GABRA3: variants seen among roughly 807,000 people sequenced by gnomAD.
GABRA3 encodes the protein gamma-aminobutyric acid type A receptor subunit alpha3.
GABRA3 carries 10 observed loss-of-function variants against 30.1 expected under a neutral mutation model. The observed-to-expected ratio is 0.33, with a 90% confidence interval of 0.20 to 0.56. The LOEUF (loss-of-function observed/expected upper bound fraction) is 0.56, where lower values mean the gene tolerates loss of function less well. Ranked by LOEUF, GABRA3 falls within the 20% of genes least tolerant of loss-of-function variation. The probability of loss-of-function intolerance (pLI) is 0.89; values close to 1 mark genes in which losing one functional copy is unlikely to be tolerated. For synonymous variants in GABRA3, 151 were observed against 146.8 expected, an observed-to-expected ratio of 1.03 and a Z score of -0.21; for missense variants, 233 against 392.0, an observed-to-expected ratio of 0.59 and a Z score of 3.42.
chrX:152,222,065 G>A (rs1937851708), intron 6 of GABRA3, among the ~76,000 whole-genome samples: 2 of 111,255 alleles, frequency 1.8e-5, no homozygotes, highest in Non-Finnish European at 3.8e-5. Flanking sequence ...CTTTTTTGGT[G>A]GCTGCAGAAT....
intron 7 of GABRA3, among the ~76,000 whole-genome samples, chrX:152,206,169 C>T (rs1438590975): frequency 1.8e-5 from 2 of 112,672 alleles, no homozygotes; most frequent in Non-Finnish European, 3.8e-5. Context: ...TGCTTGCTCA[C>T]TCTGAGGAGG....
chrX:152,291,627 A>C (rs1161078478), intron 3 of GABRA3, among the ~76,000 whole-genome samples: 1 of 111,906 alleles, frequency 8.9e-6, no homozygotes, highest in East Asian at 2.8e-4. Flanking sequence ...GTGCCCATTC[A>C]GTATGATATT....
At chrX:152,227,136 T>C (rs1319672654) in intron 5 of GABRA3, among the ~76,000 whole-genome samples, 1 of 109,730 alleles carries the variant, frequency 9.1e-6, no homozygotes, top group African/African-American at 3.3e-5. Flanking sequence ...CCAACCCAAA[T>C]GCCCAACAAT....
At chrX:152,211,531 G>A (rs1225872036) in intron 6 of GABRA3, among the ~76,000 whole-genome samples, 2 of 111,449 alleles carry the variant, frequency 1.8e-5, no homozygotes, top group Admixed American at 9.6e-5. Flanking sequence ...AGTGGAAGAC[G>A]AAGATGTGAA....
intron 3 of GABRA3, among the ~76,000 whole-genome samples, chrX:152,337,581 C>G (rs1272472389): frequency 8.9e-6 from 1 of 111,825 alleles, no homozygotes; most frequent in Non-Finnish European, 1.9e-5. Flanking sequence ...GTAATCCCAG[C>G]ACTTTGGGAG....
intron 4 of GABRA3, among the ~76,000 whole-genome samples, chrX:152,272,378 G>C (rs1938959118): frequency 8.9e-6 from 1 of 112,406 alleles, no homozygotes; most frequent in South Asian, 3.7e-4. Flanking sequence ...ATTGGATTTT[G>C]GACACGCATG....
At chrX:152,190,872 A>G (rs1937315745) in intron 8 of GABRA3, among the ~76,000 whole-genome samples, 1 of 89,612 alleles carries the variant, frequency 1.1e-5, no homozygotes, top group African/African-American at 4.3e-5. Context: ...ATGCATGTGA[A>G]TATATATATA....
chrX:152,312,763 A>T (rs934185174), intron 3 of GABRA3, among the ~76,000 whole-genome samples: 6 of 112,272 alleles, frequency 5.3e-5, no homozygotes, highest in African/African-American at 9.7e-5. Context: ...TAATCTATAC[A>T]GAATTCAAAC....
At chrX:152,327,713 G>A (rs979687788) in intron 3 of GABRA3, among the ~76,000 whole-genome samples, 3 of 111,518 alleles carry the variant, frequency 2.7e-5, no homozygotes, top group Admixed American at 9.5e-5. Context: ...TGTGTAGAGG[G>A]ACATTTATAG....
chrX:152,324,032 T>C (rs1222474723), intron 3 of GABRA3, among the ~76,000 whole-genome samples: 2 of 112,245 alleles, frequency 1.8e-5, no homozygotes, highest in Admixed American at 1.9e-4. Context: ...ATCTGCCTTA[T>C]TAAAGGAACT....
chrX:152,191,378 T>G (rs886822684), intron 8 of GABRA3, among the ~76,000 whole-genome samples: 3 of 110,332 alleles, frequency 2.7e-5, no homozygotes, highest in African/African-American at 9.9e-5. Context: ...TTCTTTATTC[T>G]CTCTGTGCCT....
intron 3 of GABRA3, among the ~76,000 whole-genome samples, chrX:152,316,349 G>A (rs1485509394): frequency 8.9e-6 from 1 of 111,790 alleles, no homozygotes; most frequent in Non-Finnish European, 1.9e-5. Context: ...ACTCCAAGAA[G>A]TTTGGGATTA....
intron 4 of GABRA3, among the ~76,000 whole-genome samples, chrX:152,267,945 T>A (rs775873253): frequency 1.6e-4 from 18 of 111,313 alleles, no homozygotes; most frequent in Non-Finnish European, 3.0e-4. Context: ...AAACAAGTTT[T>A]TTCATTGATC....
intron 3 of GABRA3, among the ~76,000 whole-genome samples, chrX:152,337,872 AT>A (rs1327135428): frequency 9.0e-6 from 1 of 111,488 alleles, no homozygotes; most frequent in Non-Finnish European, 1.9e-5. Context: ...AGATTTTGTA[AT>A]TTTCCGTGGC....
intron 3 of GABRA3, among the ~76,000 whole-genome samples, chrX:152,292,061 T>G (rs1365049817): frequency 8.9e-6 from 1 of 111,975 alleles, no homozygotes; most frequent in Non-Finnish European, 1.9e-5. Flanking sequence ...TCCCTCTTTT[T>G]CTGTTGATTG....
At chrX:152,199,134 AGG>A (rs1937432348) in intron 7 of GABRA3, among the ~76,000 whole-genome samples, 1 of 111,135 alleles carries the variant, frequency 9.0e-6, no homozygotes, top group Non-Finnish European at 1.9e-5. Flanking sequence ...TGGGAGGCCA[AGG>A]CGGGCAGATT....
intron 3 of GABRA3, among the ~76,000 whole-genome samples, chrX:152,339,268 C>T (rs1940279508): frequency 9.1e-6 from 1 of 109,530 alleles, no homozygotes; most frequent in Non-Finnish European, 1.9e-5. Context: ...TGCTCTGTCG[C>T]CCAGGCTGGA....
chrX:152,320,033 G>C (rs1398482115), intron 3 of GABRA3, among the ~76,000 whole-genome samples: 1 of 110,208 alleles, frequency 9.1e-6, no homozygotes, highest in African/African-American at 3.3e-5. Context: ...ATACCACCTA[G>C]CTCCTGAAAG....
At chrX:152,198,920 G>T (rs1266255229) in intron 7 of GABRA3, among the ~76,000 whole-genome samples, 1 of 112,139 alleles carries the variant, frequency 8.9e-6, no homozygotes, top group African/African-American at 3.2e-5. Context: ...CTGTGGCCTT[G>T]TTTGGAAATA....
Sources: allele counts gnomAD v4.1 joint callset (sites outside exome capture counted in the v4.1 genomes callset), GRCh38; gene constraint gnomAD v4.1.1; transcripts MANE v1.5; gene names NCBI Gene and HGNC (gene_info 2026-07-23, HGNC 2026-07-21).